The following GPR39 variants were observed in gnomAD, a reference collection of about 807,000 sequenced individuals.
The protein encoded by GPR39 is zinc sensing receptor.
In GPR39, 23 loss-of-function variants were observed where a neutral mutation model predicts 18.4. The ratio of observed to expected loss-of-function variants is 1.25; its 90% CI spans 0.90 to 1.77. The LOEUF is 1.77. Ranked by LOEUF, GPR39 falls within the 40% of genes most tolerant of loss-of-function variation. GPR39 has a pLI of 0.00. For synonymous variants in GPR39, 280 were observed against 257.9 expected (o/e 1.09, Z -0.82); for missense variants, 647 against 602.4 (o/e 1.07, Z -0.78).
At chr2:132,629,245 AG>A (rs1428765628) in intron 1 of GPR39, among the ~76,000 whole-genome samples, 13 of 152,204 alleles carry the variant, frequency 8.5e-5, no homozygotes, top group Non-Finnish European at 1.6e-4. Context: ...CTGTAGTGTA[AG>A]CCACATGCCA....
intron 1 of GPR39, among the ~76,000 whole-genome samples, chr2:132,620,645 T>C (rs1681425505): frequency 6.6e-6 from 1 of 152,208 alleles, no homozygotes; most frequent in African/African-American, 2.4e-5. Context: ...CAGTGTCTCT[T>C]GGGGCTAGGT....
At chr2:132,541,303 C>T (rs1461322149) in intron 1 of GPR39, among the ~76,000 whole-genome samples, 2 of 152,064 alleles carry the variant, frequency 1.3e-5, no homozygotes, top group African/African-American at 4.8e-5. Flanking sequence ...AGGCTGTTAT[C>T]GAACTCCTGA....
intron 1 of GPR39, among the ~76,000 whole-genome samples, chr2:132,428,947 C>T (rs961478707): frequency 3.9e-5 from 6 of 152,196 alleles, no homozygotes; most frequent in African/African-American, 1.4e-4. Flanking sequence ...GGGGTTTCCC[C>T]TTTCTCATGT....
At chr2:132,521,453 C>T (rs533493271) in intron 1 of GPR39, among the ~76,000 whole-genome samples, 1 of 152,278 alleles carries the variant, frequency 6.6e-6, no homozygotes, top group Non-Finnish European at 1.5e-5. Context: ...AACATATGCT[C>T]TGTGAGAGGA....
intron 1 of GPR39, among the ~76,000 whole-genome samples, chr2:132,637,957 C>T (rs1681793587): frequency 6.6e-6 from 1 of 151,892 alleles, no homozygotes; most frequent in Non-Finnish European, 1.5e-5. Context: ...TTGCACATGG[C>T]TTGATTTGTG....
At chr2:132,494,579 A>G (rs1486131500) in intron 1 of GPR39, among the ~76,000 whole-genome samples, 1 of 152,094 alleles carries the variant, frequency 6.6e-6, no homozygotes, top group African/African-American at 2.4e-5. Context: ...TGTTTTCATC[A>G]CACGGACACT....
intron 1 of GPR39, among the ~76,000 whole-genome samples, chr2:132,520,244 C>A (rs1479930490): frequency 6.6e-6 from 1 of 152,206 alleles, no homozygotes; most frequent in African/African-American, 2.4e-5. Flanking sequence ...CCACTCCAAG[C>A]AAGGCAAATG....
chr2:132,553,760 C>T (rs1257865961), intron 1 of GPR39, among the ~76,000 whole-genome samples: 1 of 152,096 alleles, frequency 6.6e-6, no homozygotes, highest in Non-Finnish European at 1.5e-5. Context: ...GAACCTGAAC[C>T]CAGACCACCT....
At chr2:132,452,099 A>G (rs111283251) in intron 1 of GPR39, among the ~76,000 whole-genome samples, 230 of 152,334 alleles carry the variant, frequency 1.5e-3, no homozygotes, top group African/African-American at 4.7e-3. Context: ...TACCAAAGGT[A>G]TCACTCCACT....
At chr2:132,554,156 G>A (rs557598808) in intron 1 of GPR39, among the ~76,000 whole-genome samples, 2 of 152,330 alleles carry the variant, frequency 1.3e-5, no homozygotes, top group Admixed American at 1.3e-4. Flanking sequence ...AATGGAGTCA[G>A]TAGACATGGA....
chr2:132,519,532 T>C (rs1474697935), intron 1 of GPR39, among the ~76,000 whole-genome samples: 4 of 152,200 alleles, frequency 2.6e-5, no homozygotes, highest in Non-Finnish European at 4.4e-5. Context: ...TGAGGCGTAA[T>C]GCAAGGACTC....
chr2:132,586,157 AAG>A (rs1680727788), intron 1 of GPR39, among the ~76,000 whole-genome samples: 1 of 151,918 alleles, frequency 6.6e-6, no homozygotes, highest in Non-Finnish European at 1.5e-5. Flanking sequence ...TCCTCAAAGA[AAG>A]ACGGTAAAGT....
At chr2:132,474,287 C>A (rs1464397928) in intron 1 of GPR39, among the ~76,000 whole-genome samples, 1 of 152,218 alleles carries the variant, frequency 6.6e-6, no homozygotes, top group Non-Finnish European at 1.5e-5. Flanking sequence ...GAAACCTAAT[C>A]TTTTCTTCAG....
intron 1 of GPR39, among the ~76,000 whole-genome samples, chr2:132,552,316 C>T (rs1352263254): frequency 1.3e-5 from 2 of 152,066 alleles, no homozygotes; most frequent in Non-Finnish European, 2.9e-5. Flanking sequence ...TTGCTGCTGT[C>T]CTCGTGATAG....
At chr2:132,614,908 C>T (rs1681306312) in intron 1 of GPR39, among the ~76,000 whole-genome samples, 1 of 152,198 alleles carries the variant, frequency 6.6e-6, no homozygotes, top group African/African-American at 2.4e-5. Context: ...AATTTTCTTA[C>T]TCCAATAATC....
intron 1 of GPR39, among the ~76,000 whole-genome samples, chr2:132,506,161 AT>A (rs34674290): frequency 1.7e-4 from 25 of 150,910 alleles, no homozygotes; most frequent in South Asian, 6.3e-4. Flanking sequence ...AATGCTGAGC[AT>A]TTTTTTTTCA....
chr2:132,421,737 G>C (rs1317615888), intron 1 of GPR39, among the ~76,000 whole-genome samples: 1 of 152,156 alleles, frequency 6.6e-6, no homozygotes, highest in Non-Finnish European at 1.5e-5. Flanking sequence ...ATGGTTCAGG[G>C]AGAAGCAAAG....
At chr2:132,575,077 G>T (rs1680506642) in intron 1 of GPR39, among the ~76,000 whole-genome samples, 1 of 151,564 alleles carries the variant, frequency 6.6e-6, no homozygotes, top group Non-Finnish European at 1.5e-5. Flanking sequence ...TATAATATTT[G>T]TAATCTTCAA....
chr2:132,641,491 T>C (rs1681854849), intron 1 of GPR39, among the ~76,000 whole-genome samples: 1 of 152,162 alleles, frequency 6.6e-6, no homozygotes, highest in Non-Finnish European at 1.5e-5. Flanking sequence ...ATTCTTTTAG[T>C]GGGTGCTGTC....
Sources: allele counts gnomAD v4.1 joint callset (sites outside exome capture counted in the v4.1 genomes callset), GRCh38; gene constraint gnomAD v4.1.1; transcripts MANE v1.5; gene names NCBI Gene and HGNC (gene_info 2026-07-23, HGNC 2026-07-21).